MAML2: variants seen among roughly 807,000 people sequenced by gnomAD.
MAML2 encodes the protein mastermind-like protein 2.
MAML2 carries 22 observed loss-of-function variants against 96.1 expected under a neutral mutation model. The observed-to-expected ratio is 0.23, with a 90% CI of 0.16 to 0.33. MAML2 has a LOEUF of 0.33. Ranked by LOEUF, MAML2 falls within the 10% of genes least tolerant of loss-of-function variation. MAML2 has a pLI of 1.00. For missense variants in MAML2, 1,367 were observed against 1,392.4 expected (o/e 0.98, Z 0.29); for synonymous variants, 561 against 521.3 (o/e 1.08, Z -1.04).
rs35035966 is a variant in MAML2 at position 96,065,415 on chromosome 11, G to GCACACACACACA, written c.2139+26465_2139+26476dup. 2.9e-3 allele frequency among the ~76,000 whole-genome samples: 439 copies of GCACACACACACA among 149,572 alleles called. 1 individual carries two copies. Among genetic ancestry groups the GCACACACACACA allele is most frequent in the Admixed American group, 6.5e-3 (98 of 15,054 alleles). On this transcript the variant is annotated intron_variant, in intron 2 of 4. Coordinates refer to ENST00000524717, the MANE Select transcript of MAML2 (RefSeq NM_032427.4). ...CTCTAGTGCACATGCGTGCGTGCAT[G>GCACACACACACA]CACACACACACACACACACACACAC...
intron 1 of MAML2, among the ~76,000 whole-genome samples, chr11:96,155,619 G>C (rs910901412): frequency 3.5e-5 from 5 of 143,986 alleles, no homozygotes; most frequent in Non-Finnish European, 6.0e-5. Flanking sequence ...AGGTTGCAAA[G>C]GACAGTGCTT....
chr11:96,240,557 C>CAAAAAAAAAAAAAAAAAAAAAA, intron 1 of MAML2, among the ~76,000 whole-genome samples: 22 of 51,096 alleles, frequency 4.3e-4, no homozygotes, highest in African/African-American at 6.7e-4. Flanking sequence ...GACTCCGTCT[C>CAAAAAAAAAAAAAAAAAAAAAA]AAAAAAAAAA....
At chr11:96,232,832 C>A (rs753927875) in intron 1 of MAML2, among the ~76,000 whole-genome samples, 1 of 152,152 alleles carries the variant, frequency 6.6e-6, no homozygotes, top group Non-Finnish European at 1.5e-5. Context: ...GAATGCTGGA[C>A]CGCATTGCTG....
At chr11:96,182,907 T>C (rs536865838) in intron 1 of MAML2, among the ~76,000 whole-genome samples, 79 of 152,196 alleles carry the variant, frequency 5.2e-4, no homozygotes, top group Middle Eastern at 3.4e-3. Flanking sequence ...AATTATGATG[T>C]AGCAATAGAA....
chr11:95,985,450 T>C, intron 4 of MAML2, 81 bp downstream of exon 4: 1 of 740,630 alleles, frequency 1.4e-6, no homozygotes, highest in Non-Finnish European at 2.2e-6. Context: ...TAATCATATG[T>C]GAGTTACAGG....
chr11:96,115,534 T>C (rs1020677812), intron 1 of MAML2, among the ~76,000 whole-genome samples: 1 of 151,830 alleles, frequency 6.6e-6, no homozygotes, highest in Non-Finnish European at 1.5e-5. Context: ...ATTAAATTAA[T>C]TCAACTGACC....
chr11:96,245,386 T>C (rs1390242504), intron 1 of MAML2, among the ~76,000 whole-genome samples: 1 of 152,158 alleles, frequency 6.6e-6, no homozygotes, highest in African/African-American at 2.4e-5. Flanking sequence ...GAATTTTGTT[T>C]CCCAAGTAAG....
intron 2 of MAML2, among the ~76,000 whole-genome samples, chr11:96,076,687 T>C (rs531629866): frequency 2.0e-5 from 3 of 152,072 alleles, no homozygotes; most frequent in Non-Finnish European, 4.4e-5. Flanking sequence ...AAGGGGACAA[T>C]AGAGGGGTCT....
Position 96,342,706 on chromosome 11 carries a change from C to T in MAML2, c.-811G>A, listed in dbSNP as rs1864016461. The T allele has an allele frequency of 2.9e-6, 1 of 338,984 alleles. No homozygotes were observed. The highest frequency in any genetic ancestry group is 5.3e-6 in the Non-Finnish European group (1 of 189,108). 21.0% of individuals were successfully genotyped at this position (338,984 alleles called of 1,614,324 possible). A position where few individuals can be genotyped will look rare whatever the true frequency, so the allele number is the denominator to read the frequency against. ...TTTTTTCTTCAGCTAATCCAATCACCGGTAAAATCCTCACTCCCTCTAAGG... is the reference window on the plus strand; with the variant it reads ...TTTTTTCTTCAGCTAATCCAATCACTGGTAAAATCCTCACTCCCTCTAAGG... On this transcript the variant is annotated 5_prime_UTR_variant, in exon 1 of 5. Coordinates refer to ENST00000524717, the MANE Select transcript of MAML2 (RefSeq NM_032427.4).
intron 1 of MAML2, among the ~76,000 whole-genome samples, chr11:96,184,779 C>G (rs1861547251): frequency 6.6e-6 from 1 of 151,970 alleles, no homozygotes; most frequent in Middle Eastern, 3.4e-3. Flanking sequence ...TTAGTAGAGA[C>G]GGGGTTTCAC....
chr11:96,102,041 C>A (rs1199409668), intron 1 of MAML2, among the ~76,000 whole-genome samples: 1 of 152,146 alleles, frequency 6.6e-6, no homozygotes, highest in East Asian at 1.9e-4. Flanking sequence ...CTTTGGGAGG[C>A]TGAGGCAGAC....
Position 95,978,173 on chromosome 11 carries a change from G to A in MAML2, c.*775C>T. 4.7e-6 allele frequency: 1 copy of A among 212,140 alleles called. No individual in the cohort carries two copies. Among genetic ancestry groups the A allele is most frequent in the East Asian group, 7.1e-5 (1 of 14,098 alleles). 13.1% of individuals were successfully genotyped at this position (212,140 alleles called of 1,614,324 possible). A position where few individuals can be genotyped will look rare whatever the true frequency, so the allele number is the denominator to read the frequency against. ...AAAGTGAAATCTAATGCAGAGAGGT[G>A]TGCACCAATATTTCAGTATGATTAG... On this transcript the variant is annotated 3_prime_UTR_variant, in exon 5 of 5. Transcript: ENST00000524717.
intron 1 of MAML2, among the ~76,000 whole-genome samples, chr11:96,210,128 C>T (rs888675470): frequency 2.0e-5 from 3 of 152,046 alleles, no homozygotes; most frequent in African/African-American, 4.8e-5. Context: ...TTTTTTAAGA[C>T]GGAGTCTCAC....
chr11:96,338,173 T>A (rs992028337), intron 1 of MAML2, among the ~76,000 whole-genome samples: 23 of 152,240 alleles, frequency 1.5e-4, no homozygotes, highest in Admixed American at 1.5e-3. Context: ...TACTGTTCCA[T>A]GGACCAGCAA....
chr11:96,298,414 T>C (rs929029124), intron 1 of MAML2, among the ~76,000 whole-genome samples: 3 of 152,172 alleles, frequency 2.0e-5, no homozygotes, highest in Admixed American at 6.5e-5. Flanking sequence ...AGTTGAAGGT[T>C]AGCCTTGAAC....
At position 96,034,115 on chromosome 11, in the gene MAML2, G is replaced by A. The variant is rs543413653; in HGVS notation, c.2140-42392C>T. Among the ~76,000 whole-genome samples the A allele has an allele frequency of 4.6e-5, 7 of 152,284 alleles. No individual in the cohort carries two copies. The East Asian group carries it at 7.7e-4, about 17-fold the overall frequency. Reference sequence around the variant, plus strand: ...TGTTACTAAACTAAACTAAGTGGAAGCATTGAATCTACTTTATTGGATACA... The same window carrying A: ...TGTTACTAAACTAAACTAAGTGGAAACATTGAATCTACTTTATTGGATACA... On this transcript the variant is annotated intron_variant, in intron 2 of 4. Transcript: ENST00000524717.
chr11:96,037,857 C>T (rs1319889714), intron 2 of MAML2, among the ~76,000 whole-genome samples: 1 of 152,140 alleles, frequency 6.6e-6, no homozygotes, highest in African/African-American at 2.4e-5. Context: ...GATATTTTAA[C>T]TCCCAATCCT....
chr11:96,166,822 C>G (rs1401916954), intron 1 of MAML2, among the ~76,000 whole-genome samples: 7 of 152,192 alleles, frequency 4.6e-5, no homozygotes, highest in Non-Finnish European at 8.8e-5. Flanking sequence ...TTAGACCACC[C>G]TGATTTGAAA....
At chr11:96,210,749 A>G (rs1861959744) in intron 1 of MAML2, among the ~76,000 whole-genome samples, 1 of 152,202 alleles carries the variant, frequency 6.6e-6, no homozygotes, top group Non-Finnish European at 1.5e-5. Flanking sequence ...GTTACTATAA[A>G]TATTATTAAT....
Sources: gnomAD v4.1 joint callset for allele counts (sites outside exome capture counted in the v4.1 genomes callset) on GRCh38, gnomAD v4.1.1 for gene constraint, MANE v1.5 for transcripts, NCBI Gene and HGNC (gene_info 2026-07-23, HGNC 2026-07-21) for gene names.